The following HOOK1 variants were observed in gnomAD, a reference collection of about 807,000 sequenced individuals.
The protein encoded by HOOK1 is protein Hook homolog 1.
Under a neutral mutation model 112.8 loss-of-function variants are expected in HOOK1, and 60 were observed. The ratio of observed to expected loss-of-function variants is 0.53; its 90% CI spans 0.43 to 0.66. The LOEUF is 0.66. Among genes scored for constraint, HOOK1 ranks in the 30% least tolerant of loss-of-function variants. HOOK1 has a pLI of 0.00. For missense variants in HOOK1, 770 were observed against 856.0 expected, an observed-to-expected ratio of 0.90 and a Z score of 1.25; for synonymous variants, 294 against 283.8, an observed-to-expected ratio of 1.04 and a Z score of -0.36.
chr1:59,870,793 A>G (rs1056793913), intron 20 of HOOK1: 1 of 352,684 alleles, frequency 2.8e-6, no homozygotes, highest in Non-Finnish European at 5.2e-6. Context: ...GTGTATATGT[A>G]TGTTTAAATC....
intron 13 of HOOK1, 75 bp from the exon 14 acceptor site, chr1:59,858,910 A>AG (rs1455645598): frequency 4.7e-5 from 26 of 552,478 alleles, no homozygotes; most frequent in Non-Finnish European, 4.0e-5. Flanking sequence ...AAAGAGAGGG[A>AG]GGGGGGGAAG....
intron 2 of HOOK1, among the ~76,000 whole-genome samples, chr1:59,822,836 A>G (rs1334171850): frequency 6.6e-6 from 1 of 152,200 alleles, no homozygotes; most frequent in African/African-American, 2.4e-5. Flanking sequence ...TCTTAGAAAA[A>G]CAATTAAAAT....
At position 59,840,405 on chromosome 1, in the gene HOOK1, C is replaced by A. The variant is rs1161167451; in HGVS notation, c.621+14C>A. On this transcript the variant is annotated intron_variant, in intron 8 of 21. Transcript: ENST00000371208. ...TTGGATATGCAGGTACGGGAAAAAACCCTGAGCTGAGAAAAACTTCCTCTT... is the reference window on the plus strand; with the variant it reads ...TTGGATATGCAGGTACGGGAAAAAAACCTGAGCTGAGAAAAACTTCCTCTT... 14 of 1,516,756 alleles carry A rather than the reference C, an allele frequency of 9.2e-6. No individual in the cohort carries two copies. The highest frequency in any genetic ancestry group is 5.4e-5 in the South Asian group (4 of 73,686). The allele number at this position is 1,516,756 out of a possible 1,614,324, so 94.0% of individuals were successfully genotyped here.
rs1644085663 is a variant in HOOK1, at chr1:59,873,221, G to C, written c.*256G>C. 2 of 288,820 alleles carry C rather than the reference G, an allele frequency of 6.9e-6. No individual in the cohort carries two copies. Among genetic ancestry groups the C allele is most frequent in the African/African-American group, 4.3e-5 (2 of 46,072 alleles). 17.9% of individuals were successfully genotyped at this position (288,820 alleles called of 1,614,324 possible). On this transcript the variant is annotated 3_prime_UTR_variant, in exon 22 of 22. Coordinates refer to ENST00000371208, the MANE Select transcript of HOOK1 (RefSeq NM_015888.6). ...ATACACACATTTCAAACAAACATTTGTCTTTTGAGAGTATTATAATTTCAA... is the reference window on the plus strand; with the variant it reads ...ATACACACATTTCAAACAAACATTTCTCTTTTGAGAGTATTATAATTTCAA...
chr1:59,866,004 T>G, intron 19 of HOOK1, 32 bp downstream of exon 19: 1 of 1,215,526 alleles, frequency 8.2e-7, no homozygotes, highest in South Asian at 1.3e-5. Flanking sequence ...GCTCAAGACT[T>G]TGTGGCCTGT....
chr1:59,870,849 A>G (rs1644044653), intron 20 of HOOK1, 193 bp from the exon 21 acceptor site: 1 of 486,118 alleles, frequency 2.1e-6, no homozygotes, highest in African/African-American at 2.0e-5. Flanking sequence ...TTTATTAGTC[A>G]CAAACCTTAT....
At position 59,836,924 on chromosome 1, in the gene HOOK1, T is replaced by C. The variant is rs781584217; in HGVS notation, c.526T>C (p.Leu176=). 7.5e-6 allele frequency: 12 copies of C among 1,595,848 alleles called. No homozygotes were observed. The highest frequency in any genetic ancestry group is 1.7e-5 in the Admixed American group (1 of 59,580). Residue 176 remains leucine (L), a synonymous_variant, in exon 7 of 22, where the codon TTG becomes CTG. Transcript: ENST00000371208. Reference sequence around the variant, plus strand: ...TCCTCCAAATGATGCTGTTGGAGAATTGGAGCAACAGGTGAGTATTTTAGT... The same window carrying C: ...TCCTCCAAATGATGCTGTTGGAGAACTGGAGCAACAGGTGAGTATTTTAGT... ...SSPPNDAVGE[L]EQQLKRALEE... is the part of the protein sequence containing the mutation.
At chr1:59,842,867 T>TAA (rs1190164823) in intron 8 of HOOK1, among the ~76,000 whole-genome samples, 1 of 152,076 alleles carries the variant, frequency 6.6e-6, no homozygotes, top group Non-Finnish European at 1.5e-5. Flanking sequence ...GGTTCTACAC[T>TAA]AACATGTTTT....
At chr1:59,857,959 C>T (rs1374058320) in intron 12 of HOOK1, among the ~76,000 whole-genome samples, 1 of 152,210 alleles carries the variant, frequency 6.6e-6, no homozygotes, top group Admixed American at 6.6e-5. Context: ...GTCTCTTACA[C>T]ACCAACCTAT....
chr1:59,866,022 C>A, intron 19 of HOOK1, 50 bp downstream of exon 19: 1 of 993,036 alleles, frequency 1.0e-6, no homozygotes, highest in Non-Finnish European at 1.6e-6. Flanking sequence ...TGTGTTTTAG[C>A]AAGGCTCATT....
chr1:59,822,013 C>A, intron 2 of HOOK1, 70 bp downstream of exon 2: 2 of 1,225,088 alleles, frequency 1.6e-6, no homozygotes, highest in Non-Finnish European at 2.4e-6. Context: ...AAAACTTGGA[C>A]TTGAATTCCA....
chr1:59,872,335 A>T (rs780528319), intron 21 of HOOK1, among the ~76,000 whole-genome samples: 11 of 152,194 alleles, frequency 7.2e-5, no homozygotes, highest in African/African-American at 1.9e-4. Context: ...AAATTGCTAG[A>T]CGCACTGGCA....
chr1:59,828,143 A>G (rs542370860), intron 2 of HOOK1, among the ~76,000 whole-genome samples: 99 of 152,348 alleles, frequency 6.5e-4, no homozygotes, highest in African/African-American at 2.2e-3. Flanking sequence ...AGTTCACTAT[A>G]TATAGTCAAA....
In HOOK1 at chr1:59,872,862, C is replaced by A. The variant is rs140917606; in HGVS notation, c.2084C>A (p.Thr695Asn). The A allele has an allele frequency of 4.9e-5, 74 of 1,501,962 alleles. No homozygotes were observed. The African/African-American group carries it at 8.8e-4, about 18-fold the overall frequency. 93.0% of individuals were successfully genotyped at this position (1,501,962 alleles called of 1,614,324 possible). A position where few individuals can be genotyped will look rare whatever the true frequency, so the allele number is the denominator to read the frequency against. Residue 695 changes from threonine to asparagine, a missense_variant, in exon 22 of 22, where the codon ACT becomes AAT. By Grantham distance (65) the Thr-to-Asn change is moderately conservative. Transcript: ENST00000371208. ...AGCGGCGGTGGTGCCTGCAGTGACA[C>A]TGGTGCGTGCACTCCTGCGCGGTCT... ...LVSGGGACSD[T>N]GACTPARSFL...
chr1:59,873,746 T>C lies in HOOK1; in HGVS notation c.*781T>C. 1 of 143,278 alleles carries C rather than the reference T, an allele frequency of 7.0e-6. No homozygotes were observed. Among genetic ancestry groups the C allele is most frequent in the South Asian group, 2.2e-4 (1 of 4,558 alleles). The allele number at this position is 143,278 out of a possible 1,614,324, so 8.9% of individuals were successfully genotyped here. A position where few individuals can be genotyped will look rare whatever the true frequency, so the allele number is the denominator to read the frequency against. ...CAAGCTATATATATATATATATATATATATATATATATATATATACTTTTT... is the reference window on the plus strand; with the variant it reads ...CAAGCTATATATATATATATATATACATATATATATATATATATACTTTTT... On this transcript the variant is annotated 3_prime_UTR_variant, in exon 22 of 22. Transcript: ENST00000371208.
At chr1:59,823,986 A>C (rs995238487) in intron 2 of HOOK1, among the ~76,000 whole-genome samples, 2 of 151,984 alleles carry the variant, frequency 1.3e-5, no homozygotes, top group African/African-American at 4.8e-5. Context: ...TTGATTTTAT[A>C]TGTTCTTAGG....
chr1:59,870,156 AAGTC>A (rs1644033107), intron 20 of HOOK1, among the ~76,000 whole-genome samples: 2 of 152,158 alleles, frequency 1.3e-5, no homozygotes, highest in South Asian at 4.1e-4. Flanking sequence ...GTCCCAGTGA[AAGTC>A]AGTGAAAATA....
chr1:59,868,305 T>G lies in HOOK1; in HGVS notation c.1901T>G (p.Leu634Arg), dbSNP rs1420826702. 6.2e-7 allele frequency: 1 copy of G among 1,611,738 alleles called. No individual in the cohort carries two copies. The highest frequency in any genetic ancestry group is 8.5e-7 in the Non-Finnish European group (1 of 1,178,572). Residue 634 changes from leucine (L) to arginine (R), a missense_variant, in exon 20 of 22, where the codon CTA (leucine) becomes CGA (arginine). Around this residue, in one of 3 missense-constraint regions of HOOK1, gnomAD observed 4 missense variants for 18.3 expected, o/e 0.22. Coordinates refer to ENST00000371208, the MANE Select transcript of HOOK1 (RefSeq NM_015888.6). ...LNPASAEIML[L>R]RKQLAEKERR... Reference sequence around the variant, plus strand: ...CCAGCATCAGCTGAAATAATGCTACTAAGAAAGCAGTTGGCAGAGAAAGAG... The same window carrying G: ...CCAGCATCAGCTGAAATAATGCTACGAAGAAAGCAGTTGGCAGAGAAAGAG...
chr1:59,868,782 T>C (rs896187550), intron 20 of HOOK1, among the ~76,000 whole-genome samples: 3 of 152,196 alleles, frequency 2.0e-5, no homozygotes, highest in Non-Finnish European at 4.4e-5. Context: ...AACTTATTAA[T>C]AGTGGAATTT....
Sources: gnomAD v4.1 joint callset for allele counts (sites outside exome capture counted in the v4.1 genomes callset) on GRCh38, gnomAD v4.1.1 for gene constraint, gnomAD v4.1.1 regional missense constraint, MANE v1.5 for transcripts, NCBI Gene and HGNC (gene_info 2026-07-23, HGNC 2026-07-21) for gene names.